The following SUPT3H variants were observed in gnomAD, a reference collection of about 807,000 sequenced individuals.
SUPT3H encodes transcription initiation protein SPT3 homolog.
In SUPT3H, 44 loss-of-function variants were observed where a neutral mutation model predicts 44.3. The observed-to-expected ratio is 0.99, with a 90% CI of 0.78 to 1.28. The LOEUF is 1.28. SUPT3H is among the 50% of genes most tolerant of loss of function. The pLI is 0.00. For missense variants in SUPT3H, 380 were observed against 387.1 expected (o/e 0.98, Z 0.15); for synonymous variants, 124 against 125.6 (o/e 0.99, Z 0.09).
At chr6:44,883,748 C>A (rs1778654216) in intron 10 of SUPT3H, among the ~76,000 whole-genome samples, 1 of 152,086 alleles carries the variant, frequency 6.6e-6, no homozygotes, top group African/African-American at 2.4e-5. Context: ...TTTGGCAAAC[C>A]TGACAAAAAC....
intron 3 of SUPT3H, among the ~76,000 whole-genome samples, chr6:45,036,329 T>C (rs931669974): frequency 7.2e-5 from 11 of 152,074 alleles, no homozygotes; most frequent in African/African-American, 2.7e-4. Flanking sequence ...GGCAAGACTT[T>C]GCTTGAACAT....
chr6:44,900,802 C>T (rs1328577018), intron 10 of SUPT3H, among the ~76,000 whole-genome samples: 10 of 152,142 alleles, frequency 6.6e-5, no homozygotes, highest in East Asian at 1.9e-4. Flanking sequence ...CTCACACGGC[C>T]GGGTACTCCC....
At chr6:45,269,789 T>C (rs1775828700) in intron 2 of SUPT3H, among the ~76,000 whole-genome samples, 2 of 152,350 alleles carry the variant, frequency 1.3e-5, no homozygotes, top group East Asian at 1.9e-4. Flanking sequence ...ATAACTCACA[T>C]ACCATAAAAT....
At chr6:45,356,620 C>T (rs1241960319) in intron 2 of SUPT3H, among the ~76,000 whole-genome samples, 1 of 151,888 alleles carries the variant, frequency 6.6e-6, no homozygotes, top group Non-Finnish European at 1.5e-5. Context: ...AGGCTGGTCT[C>T]GAACTCCTGA....
At chr6:44,935,296 G>C (rs1771223270) in intron 9 of SUPT3H, among the ~76,000 whole-genome samples, 3 of 151,968 alleles carry the variant, frequency 2.0e-5, no homozygotes, top group South Asian at 4.1e-4. Flanking sequence ...TAATATAGCA[G>C]TGATTCTAGC....
intron 3 of SUPT3H, among the ~76,000 whole-genome samples, chr6:45,054,025 GA>G (rs1353956972): frequency 6.6e-6 from 1 of 151,840 alleles, no homozygotes; most frequent in Non-Finnish European, 1.5e-5. Context: ...TGAAGGCACT[GA>G]AATGCCAAGA....
chr6:45,029,360 T>C lies in SUPT3H; in HGVS notation c.187-8728A>G, dbSNP rs886334133. Among the ~76,000 whole-genome samples, 7 of 149,946 alleles carry C rather than the reference T, an allele frequency of 4.7e-5. No individual in the cohort carries two copies. In the East Asian group the frequency reaches 5.8e-4, roughly 12 times the overall value. On this transcript the variant is annotated intron_variant, in intron 3 of 10. Coordinates refer to ENST00000371459, the MANE Select transcript of SUPT3H (RefSeq NM_003599.4). ...TTGTATGTGTATATATATATATATA[T>C]ACATATTCTTTAAAATATGTGTGTG...
intron 3 of SUPT3H, among the ~76,000 whole-genome samples, chr6:45,025,756 G>A (rs1274584488): frequency 6.6e-6 from 1 of 152,022 alleles, no homozygotes; most frequent in Non-Finnish European, 1.5e-5. Context: ...GGTGGTGGGC[G>A]CCTGTAGTCT....
intron 10 of SUPT3H, among the ~76,000 whole-genome samples, chr6:44,841,210 AT>A (rs1770877565): frequency 6.6e-6 from 1 of 152,208 alleles, no homozygotes; most frequent in Non-Finnish European, 1.5e-5. Context: ...AACAGATATT[AT>A]TATTAGTTGT....
intron 2 of SUPT3H, among the ~76,000 whole-genome samples, chr6:45,141,042 T>C (rs982676479): frequency 1.3e-5 from 2 of 152,028 alleles, no homozygotes; most frequent in East Asian, 1.9e-4. Context: ...CATTGCCACA[T>C]AAAGAATTCA....
rs201049149 is a variant in SUPT3H at position 44,910,708 on chromosome 6, A to G, written c.912+21945T>C. Among the ~76,000 whole-genome samples, 87 of 121,958 alleles carry G rather than the reference A, an allele frequency of 7.1e-4. 1 individual carries two copies. In the East Asian group the frequency reaches 0.016, roughly 22 times the overall value. 80.0% of individuals were successfully genotyped at this position (121,958 alleles called of 152,430 possible). A position where few individuals can be genotyped will look rare whatever the true frequency, so the allele number is the denominator to read the frequency against. ...TTTTCTTTCAAATTAAAAAAAAAAA[A>G]GGGGGCCAGGCATGGTGGCTCACGC... On this transcript the variant is annotated intron_variant, in intron 10 of 10. Transcript: ENST00000371459.
chr6:45,208,713 G>C (rs1244820850), intron 2 of SUPT3H, among the ~76,000 whole-genome samples: 4 of 123,436 alleles, frequency 3.2e-5, no homozygotes, highest in Non-Finnish European at 6.7e-5. Flanking sequence ...AACACAGCAA[G>C]ACTCTGTCTC....
rs200711284 is a variant in SUPT3H at position 44,922,286 on chromosome 6, ATAGTCT to A, written c.912+10361_912+10366del. ...CCCGCACATTTTAACTAACTTGCAT[ATAGTCT>A]TAAATATATGTTGGGCACAATAAGA... On this transcript the variant is annotated intron_variant, in intron 10 of 10. Transcript: ENST00000371459. 3.3e-3 allele frequency among the ~76,000 whole-genome samples: 507 copies of A among 152,328 alleles called. 16 individuals are homozygous for A. Among genetic ancestry groups the A allele is most frequent in the Admixed American group, 0.029 (449 of 15,310 alleles).
intron 10 of SUPT3H, among the ~76,000 whole-genome samples, chr6:44,914,684 T>C (rs1767551506): frequency 6.6e-6 from 1 of 152,220 alleles, no homozygotes; most frequent in African/African-American, 2.4e-5. Flanking sequence ...AGATTAAAAT[T>C]GGACTCTATC....
intron 2 of SUPT3H, among the ~76,000 whole-genome samples, chr6:45,308,265 T>A (rs1394389861): frequency 1.3e-5 from 2 of 152,006 alleles, no homozygotes; most frequent in Non-Finnish European, 2.9e-5. Context: ...AAGATACTCC[T>A]CGAGAAGAGC....
At chr6:45,068,378 G>A (rs918799428) in intron 3 of SUPT3H, among the ~76,000 whole-genome samples, 3 of 145,716 alleles carry the variant, frequency 2.1e-5, no homozygotes, top group South Asian at 2.3e-4. Context: ...ACGAGTTAGT[G>A]GGTGCAGCAC....
At chr6:45,373,361 G>C (rs1796349229) in intron 1 of SUPT3H, among the ~76,000 whole-genome samples, 1 of 152,158 alleles carries the variant, frequency 6.6e-6, no homozygotes, top group Admixed American at 6.5e-5. Context: ...TAGAAAGTAA[G>C]AGCCTCATTA....
At chr6:45,327,982 G>A (rs956231669) in intron 2 of SUPT3H, among the ~76,000 whole-genome samples, 2 of 151,928 alleles carry the variant, frequency 1.3e-5, no homozygotes, top group Admixed American at 6.6e-5. Context: ...GAGGTTGAGC[G>A]GGGAGTAGAA....
intron 2 of SUPT3H, among the ~76,000 whole-genome samples, chr6:45,128,716 C>T (rs1309579242): frequency 1.4e-5 from 2 of 146,286 alleles, no homozygotes; most frequent in Admixed American, 1.4e-4. Flanking sequence ...GACAGAGTCT[C>T]CTTCTGTCAC....
Sources: gnomAD v4.1 joint callset for allele counts (sites outside exome capture counted in the v4.1 genomes callset) on GRCh38, gnomAD v4.1.1 for gene constraint, MANE v1.5 for transcripts, NCBI Gene and HGNC (gene_info 2026-07-23, HGNC 2026-07-21) for gene names.